Variants in HOXC4 observed in about 807,000 individuals in gnomAD.
HOXC4 encodes the protein homeobox C4.
In HOXC4, 15 loss-of-function variants were observed where a neutral mutation model predicts 25.5. The ratio of observed to expected loss-of-function variants is 0.59; its 90% CI spans 0.39 to 0.91. The LOEUF (loss-of-function observed/expected upper bound fraction) is 0.91, where lower values mean the gene tolerates loss of function less well. HOXC4 is among the 40% of genes least tolerant of loss of function. The pLI, the probability that HOXC4 is intolerant of heterozygous loss-of-function variation, is 0.00. For missense variants in HOXC4, 342 were observed against 352.4 expected (o/e 0.97, Z 0.24); for synonymous variants, 165 against 148.0 (o/e 1.11, Z -0.83).
rs1240233248 is a variant in HOXC4 at position 54,055,970 on chromosome 12, TTA to T, written c.*766_*767del. ...ATTGTAAAACTTGCAATAAAGAATTTTAGTGTCGATGTGAAATGCCCCGTGAT... is the reference window on the plus strand; with the variant it reads ...ATTGTAAAACTTGCAATAAAGAATTTGTGTCGATGTGAAATGCCCCGTGAT... On this transcript the variant is annotated 3_prime_UTR_variant, in exon 2 of 2. Coordinates refer to ENST00000430889, the MANE Select transcript of HOXC4 (RefSeq NM_153633.3). 1 of 152,634 alleles carries T rather than the reference TTA, an allele frequency of 6.6e-6. No individual in the cohort carries two copies. Among genetic ancestry groups the T allele is most frequent in the Non-Finnish European group, 1.5e-5 (1 of 68,042 alleles). 9.5% of individuals were successfully genotyped at this position (152,634 alleles called of 1,614,324 possible).
chr12:54,029,199 G>A (rs1940871067), intron 1 of HOXC4, among the ~76,000 whole-genome samples: 1 of 152,158 alleles, frequency 6.6e-6, no homozygotes, highest in African/African-American at 2.4e-5. Flanking sequence ...CAGAAGATAG[G>A]GGAGCCCCCC....
chr12:54,054,050 C>T lies in HOXC4; in HGVS notation c.128C>T (p.Ser43Leu). Residue 43 changes from serine to leucine, a missense_variant, in exon 1 of 2, where the codon TCG (serine) becomes TTG (leucine). Coordinates refer to ENST00000430889, the MANE Select transcript of HOXC4 (RefSeq NM_153633.3). ...SPEYYGRTRESGFQHHHQELY... is the reference protein window; with the variant it reads ...SPEYYGRTRELGFQHHHQELY... The stretch of plus-strand genomic sequence containing the variant: ...GAATATTACGGCCGGACCAGGGAAT[C>T]GGGATTCCAGCATCACCACCAGGAG... The T allele has an allele frequency of 8.1e-6, 13 of 1,614,182 alleles. No homozygotes were observed. The highest frequency in any genetic ancestry group is 1.1e-5 in the Non-Finnish European group (13 of 1,180,026).
Position 54,055,246 on chromosome 12 carries a change from C to T in HOXC4, c.*41C>T. On this transcript the variant is annotated 3_prime_UTR_variant, in exon 2 of 2. Transcript: ENST00000430889. ...CCTGCCCCCACCCCATGCCCCCACC[C>T]TCCCCTCACACACAAATTGACTCTT... 1.1e-6 allele frequency: 1 copy of T among 945,482 alleles called. No homozygotes were observed. The highest frequency in any genetic ancestry group is 1.5e-6 in the Non-Finnish European group (1 of 656,478). 58.6% of individuals were successfully genotyped at this position (945,482 alleles called of 1,614,324 possible). A position where few individuals can be genotyped will look rare whatever the true frequency, so the allele number is the denominator to read the frequency against.
intron 1 of HOXC4, chr12:54,030,268 C>G (rs1323265742): frequency 9.4e-6 from 2 of 213,838 alleles, no homozygotes; most frequent in East Asian, 1.9e-4. Flanking sequence ...TACAGATTGC[C>G]CTCCAAGTGA....
intron 1 of HOXC4, among the ~76,000 whole-genome samples, chr12:54,040,454 C>A (rs1400121551): frequency 6.6e-6 from 1 of 152,152 alleles, no homozygotes; most frequent in African/African-American, 2.4e-5. Context: ...GGAGTGATAC[C>A]CAGCATATTC....
At chr12:54,019,371 T>C (rs922822629) in intron 1 of HOXC4, among the ~76,000 whole-genome samples, 2 of 152,032 alleles carry the variant, frequency 1.3e-5, no homozygotes, top group African/African-American at 4.8e-5. Flanking sequence ...GGATCCAGCC[T>C]GCGGCAGGCC....
chr12:54,039,547 A>G (rs994904346), intron 1 of HOXC4, among the ~76,000 whole-genome samples: 1 of 151,856 alleles, frequency 6.6e-6, no homozygotes, highest in African/African-American at 2.4e-5. Flanking sequence ...TTATTTTCCT[A>G]GGATCCCAGG....
chr12:54,029,699 T>A (rs1565742276), intron 1 of HOXC4: 2 of 1,614,012 alleles, frequency 1.2e-6, no homozygotes, highest in East Asian at 4.5e-5. Flanking sequence ...CCAGATCTAC[T>A]CGCGGTACCA....
At position 54,054,165 on chromosome 12, in the gene HOXC4, C is replaced by A. The variant is rs1483073541; in HGVS notation, c.243C>A (p.His81Gln). ...SLQGPGNSRG[H>Q]GPAQAGHHHP... ...AGGGGCCCGGCAATTCGCGAGGCCA[C>A]GGGCCGGCCCAGGCGGGCCACCACC... Residue 81 changes from histidine to glutamine, a missense_variant, in exon 1 of 2, where the codon CAC (histidine) becomes CAA (glutamine). Coordinates refer to ENST00000430889, the MANE Select transcript of HOXC4 (RefSeq NM_153633.3). 1.9e-6 allele frequency: 3 copies of A among 1,613,796 alleles called. No homozygotes were observed. Among genetic ancestry groups the A allele is most frequent in the Middle Eastern group, 3.3e-4 (2 of 6,062 alleles).
At chr12:54,054,413 TC>T in intron 1 of HOXC4, 52 bp downstream of exon 1, 1 of 967,500 alleles carries the variant, frequency 1.0e-6, no homozygotes, top group Non-Finnish European at 1.4e-6. Flanking sequence ...TCCCTAGCGC[TC>T]CCCACCCTCC....
chr12:54,034,800 G>T (rs1941138976), intron 1 of HOXC4: 2 of 368,684 alleles, frequency 5.4e-6, no homozygotes, highest in African/African-American at 2.1e-5. Flanking sequence ...ACGAACCTTG[G>T]CCTGGGCCGT....
Position 54,054,880 on chromosome 12 carries a change from A to AGC in HOXC4, c.473_474dup (p.Ser159AlafsTer14). 6.2e-7 allele frequency: 1 copy of AGC among 1,610,166 alleles called. No homozygotes were observed. Among genetic ancestry groups the AGC allele is most frequent in the Non-Finnish European group, 8.5e-7 (1 of 1,176,904 alleles). On this transcript the variant is annotated frameshift_variant, in exon 2 of 2. Coordinates refer to ENST00000430889, the MANE Select transcript of HOXC4 (RefSeq NM_153633.3). LOFTEE classifies it high-confidence loss of function. Reference sequence around the variant, plus strand: ...CCCAATTATAACGGAGGGGAACCCAAGCGCTCGAGGACAGCCTATACCCGG... The same window carrying AGC: ...CCCAATTATAACGGAGGGGAACCCAAGCGCGCTCGAGGACAGCCTATACCCGG...
intron 1 of HOXC4, chr12:54,034,143 G>A (rs1242211606): frequency 1.2e-6 from 1 of 865,434 alleles, no homozygotes; most frequent in Non-Finnish European, 1.9e-6. Context: ...GCCCGCCTGC[G>A]GCCCGCGTGG....
At chr12:54,026,460 A>G (rs748325947) in intron 1 of HOXC4, among the ~76,000 whole-genome samples, 3 of 152,226 alleles carry the variant, frequency 2.0e-5, no homozygotes, top group Non-Finnish European at 2.9e-5. Flanking sequence ...TAACTCATCT[A>G]AAATTTTTTT....
intron 1 of HOXC4, among the ~76,000 whole-genome samples, chr12:54,027,027 A>G (rs1369991284): frequency 6.6e-6 from 1 of 151,444 alleles, no homozygotes; most frequent in Non-Finnish European, 1.5e-5. Flanking sequence ...TTCTTTGTCA[A>G]CTCAAGGCAT....
At chr12:54,038,024 T>C (rs1434723443) in intron 1 of HOXC4, 1 of 152,310 alleles carries the variant, frequency 6.6e-6, no homozygotes, top group Non-Finnish European at 1.5e-5. Flanking sequence ...TGTGAGTTAA[T>C]TCTCTCTTTC....
At chr12:54,032,662 A>G (rs904350234) in intron 1 of HOXC4, among the ~76,000 whole-genome samples, 1 of 152,202 alleles carries the variant, frequency 6.6e-6, no homozygotes, top group African/African-American at 2.4e-5. Flanking sequence ...TGCCCCAACA[A>G]CCAGCTTCTC....
intron 1 of HOXC4, among the ~76,000 whole-genome samples, chr12:54,031,872 G>C (rs1052310026): frequency 3.9e-5 from 6 of 152,158 alleles, no homozygotes; most frequent in Non-Finnish European, 7.3e-5. Context: ...CCACCCCCCA[G>C]GTCCGCCCCA....
chr12:54,033,419 C>T (rs1941068818), intron 1 of HOXC4: 1 of 1,608,748 alleles, frequency 6.2e-7, no homozygotes, highest in East Asian at 2.2e-5. Flanking sequence ...CCGGGATGTA[C>T]AGTCAGAAGG....
Sources: gnomAD v4.1 joint callset for allele counts (sites outside exome capture counted in the v4.1 genomes callset) on GRCh38, gnomAD v4.1.1 for gene constraint, MANE v1.5 for transcripts, NCBI Gene and HGNC (gene_info 2026-07-23, HGNC 2026-07-21) for gene names.